WDPCP: variants seen among roughly 807,000 people sequenced by gnomAD.
WDPCP encodes WD repeat containing planar cell polarity effector.
In WDPCP, 71 loss-of-function variants were observed where a neutral mutation model predicts 93.1. The observed-to-expected ratio is 0.76, with a 90% CI of 0.63 to 0.93. The LOEUF is 0.93. Among genes scored for constraint, WDPCP ranks in the 40% least tolerant of loss-of-function variants. WDPCP has a pLI of 0.00. For missense variants in WDPCP, 844 were observed against 887.4 expected, an observed-to-expected ratio of 0.95 and a Z score of 0.62; for synonymous variants, 315 against 315.0, an observed-to-expected ratio of 1.00 and a Z score of 0.00.
At chr2:63,607,073 A>T (rs1218818232) in intron 3 of WDPCP, 13 of 1,285,878 alleles carry the variant, frequency 1.0e-5, no homozygotes, top group Non-Finnish European at 1.4e-5. Context: ...ATAATGCTAT[A>T]CTTAAATTAC....
chr2:63,182,193 G>A (rs886224711), intron 14 of WDPCP, among the ~76,000 whole-genome samples: 1 of 152,062 alleles, frequency 6.6e-6, no homozygotes, highest in Non-Finnish European at 1.5e-5. Flanking sequence ...TTGAATAGGA[G>A]TGGTGAAAGT....
chr2:63,491,802 T>C (rs1306312878), intron 2 of WDPCP, among the ~76,000 whole-genome samples: 1 of 152,188 alleles, frequency 6.6e-6, no homozygotes, highest in Non-Finnish European at 1.5e-5. Flanking sequence ...CTCAAATTTC[T>C]GTATCTTTCC....
At chr2:63,259,482 G>A in intron 13 of WDPCP, 73 bp from the exon 14 acceptor site, 2 of 1,122,504 alleles carry the variant, frequency 1.8e-6, no homozygotes, top group Non-Finnish European at 2.7e-6. Context: ...GATTTTGAAG[G>A]AAACTTATTG....
At chr2:63,229,276 G>A (rs1388583255) in intron 14 of WDPCP, 3 of 152,120 alleles carry the variant, frequency 2.0e-5, no homozygotes, top group East Asian at 1.9e-4. Flanking sequence ...TTTTGGATGG[G>A]GTTGTTTGTT....
intron 1 of WDPCP, chr2:63,517,834 C>T (rs1423182060): frequency 6.6e-6 from 1 of 152,086 alleles, no homozygotes; most frequent in Non-Finnish European, 1.5e-5. Flanking sequence ...CATTGTTTTG[C>T]TCTCTATGTA....
intron 14 of WDPCP, 50 bp from the exon 15 acceptor site, chr2:63,174,882 T>C: frequency 6.3e-7 from 1 of 1,577,480 alleles, no homozygotes; most frequent in South Asian, 1.1e-5. Flanking sequence ...CAATTTCTGC[T>C]AACTCCCTTA....
intron 2 of WDPCP, among the ~76,000 whole-genome samples, chr2:63,749,759 T>G (rs763049935): frequency 6.6e-6 from 1 of 152,158 alleles, no homozygotes; most frequent in Non-Finnish European, 1.5e-5. Flanking sequence ...TGTAGTTCAT[T>G]GATGCTTTTA....
chr2:63,523,517 C>T (rs898696593), intron 1 of WDPCP, among the ~76,000 whole-genome samples: 2 of 152,256 alleles, frequency 1.3e-5, no homozygotes, highest in East Asian at 3.9e-4. Flanking sequence ...TCAAAATATT[C>T]CTGTTGGCAG....
chr2:63,494,571 G>A (rs531491346), intron 1 of WDPCP, among the ~76,000 whole-genome samples: 27 of 152,236 alleles, frequency 1.8e-4, no homozygotes, highest in Non-Finnish European at 3.1e-4. Context: ...GTACTCTACC[G>A]TATTGGGGTA....
At chr2:63,195,425 A>G (rs1199421771) in intron 14 of WDPCP, among the ~76,000 whole-genome samples, 1 of 152,144 alleles carries the variant, frequency 6.6e-6, no homozygotes, top group African/African-American at 2.4e-5. Flanking sequence ...AATACAGTTT[A>G]CCCTTGACAA....
chr2:63,186,073 A>G (rs532460036), intron 14 of WDPCP, among the ~76,000 whole-genome samples: 1 of 152,302 alleles, frequency 6.6e-6, no homozygotes, highest in African/African-American at 2.4e-5. Context: ...CAAAGCTCCT[A>G]GACCAGGTGA....
chr2:63,778,952 C>T (rs949118706), intron 2 of WDPCP, among the ~76,000 whole-genome samples: 1 of 152,038 alleles, frequency 6.6e-6, no homozygotes, highest in South Asian at 2.1e-4. Flanking sequence ...TGTGTTTCTC[C>T]CTCCCTTCTG....
intron 2 of WDPCP, among the ~76,000 whole-genome samples, chr2:63,685,960 C>T (rs1015244489): frequency 7.9e-5 from 12 of 152,112 alleles, no homozygotes; most frequent in African/African-American, 2.9e-4. Flanking sequence ...CATATGTCAA[C>T]ACAATAAAAG....
At chr2:63,356,307 T>C (rs931011360) in intron 12 of WDPCP, among the ~76,000 whole-genome samples, 2 of 152,138 alleles carry the variant, frequency 1.3e-5, no homozygotes, top group South Asian at 2.1e-4. Flanking sequence ...CAAAGAGAAA[T>C]AGACTCCCAC....
intron 14 of WDPCP, among the ~76,000 whole-genome samples, chr2:63,218,827 G>C (rs535425879): frequency 6.6e-6 from 1 of 151,918 alleles, no homozygotes; most frequent in Admixed American, 6.6e-5. Context: ...AGCCACTGCA[G>C]CTAGCGAAAA....
intron 10 of WDPCP, among the ~76,000 whole-genome samples, chr2:63,390,916 A>C (rs1693183296): frequency 6.6e-6 from 1 of 152,194 alleles, no homozygotes. Flanking sequence ...CCAACCAAAA[A>C]GTGTCCAGAA....
chr2:63,606,975 T>C (rs1264515724), intron 3 of WDPCP: 1 of 1,611,498 alleles, frequency 6.2e-7, no homozygotes, highest in African/African-American at 1.3e-5. Flanking sequence ...TTGAATTTCT[T>C]TCCTCTGCCT....
intron 17 of WDPCP, among the ~76,000 whole-genome samples, chr2:63,127,345 G>T (rs1456228484): frequency 1.3e-5 from 2 of 151,696 alleles, no homozygotes; most frequent in African/African-American, 2.4e-5. Flanking sequence ...GGATGGTCTT[G>T]ATCTCCTGAC....
At chr2:63,608,828 T>C (rs748640497) in intron 3 of WDPCP, among the ~76,000 whole-genome samples, 12 of 151,816 alleles carry the variant, frequency 7.9e-5, no homozygotes, top group Non-Finnish European at 1.8e-4. Flanking sequence ...AATTAAAAAT[T>C]ACCTAGATCA....
Sources: gnomAD v4.1 joint callset for allele counts (sites outside exome capture counted in the v4.1 genomes callset) on GRCh38, gnomAD v4.1.1 for gene constraint, MANE v1.5 for transcripts, NCBI Gene and HGNC (gene_info 2026-07-23, HGNC 2026-07-21) for gene names.